Variants in NRK observed in about 807,000 individuals in gnomAD.
NRK encodes the protein Nik related kinase, also known as nik-related protein kinase.
NRK carries 67 observed loss-of-function variants against 125.2 expected under a neutral mutation model. The ratio of observed to expected loss-of-function variants is 0.54; its 90% CI spans 0.44 to 0.66. The LOEUF (loss-of-function observed/expected upper bound fraction) is 0.66. Among genes scored for constraint, NRK ranks in the 30% least tolerant of loss-of-function variants. The pLI is 0.00. For synonymous variants in NRK, 458 were observed against 429.0 expected (o/e 1.07, Z -0.84); for missense variants, 1,224 against 1,192.9 (o/e 1.03, Z -0.38).
intron 27 of NRK, among the ~76,000 whole-genome samples, chrX:105,950,555 TGTG>T: frequency 1.9e-5 from 2 of 106,084 alleles, no homozygotes; most frequent in African/African-American, 6.9e-5. Flanking sequence ...TGTGTGTGTG[TGTG>T]TGTGTGTGTG....
chrX:105,859,165 A>G (rs1436742633), intron 2 of NRK, among the ~76,000 whole-genome samples: 1 of 111,720 alleles, frequency 9.0e-6, no homozygotes, highest in Non-Finnish European at 1.9e-5. Context: ...AGTTAGATAA[A>G]AGAGAAAAAA....
intron 28 of NRK, among the ~76,000 whole-genome samples, chrX:105,955,012 T>G (rs1237959023): frequency 9.0e-6 from 1 of 111,023 alleles, no homozygotes; most frequent in East Asian, 2.8e-4. Context: ...CATACAGTAT[T>G]ATCTGTCTGT....
intron 16 of NRK, among the ~76,000 whole-genome samples, chrX:105,919,970 T>C (rs1255695508): frequency 1.9e-5 from 2 of 104,898 alleles, no homozygotes; most frequent in East Asian, 3.0e-4. Flanking sequence ...TCCTTGCCCA[T>C]GCCTATGTCC....
At chrX:105,832,026 A>G (rs1281169806) in intron 2 of NRK, among the ~76,000 whole-genome samples, 3 of 111,736 alleles carry the variant, frequency 2.7e-5, no homozygotes, top group Non-Finnish European at 5.6e-5. Flanking sequence ...GTGCCATTAT[A>G]TATCAGGGAC....
Position 105,937,591 on chromosome X carries a change from A to C in NRK, c.3799+9A>C. 1 of 1,170,034 alleles carries C rather than the reference A, an allele frequency of 8.5e-7. No homozygotes were observed. Among genetic ancestry groups the C allele is most frequent in the Non-Finnish European group, 1.2e-6 (1 of 865,146 alleles). On this transcript the variant is annotated intron_variant, in intron 22 of 28. Transcript: ENST00000243300. Reference sequence around the variant, plus strand: ...GCTGATTACCATCTCAGGTTTGTTTAAGAACTAAAATTAGCTGAGTAATTA... The same window carrying C: ...GCTGATTACCATCTCAGGTTTGTTTCAGAACTAAAATTAGCTGAGTAATTA...
At chrX:105,882,574 G>C (rs1247462122) in intron 4 of NRK, among the ~76,000 whole-genome samples, 1 of 111,395 alleles carries the variant, frequency 9.0e-6, no homozygotes, top group Non-Finnish European at 1.9e-5. Context: ...CTCTCCTGCA[G>C]TCAGCTATAC....
At chrX:105,838,759 C>T (rs781116519) in intron 2 of NRK, among the ~76,000 whole-genome samples, 57 of 109,224 alleles carry the variant, frequency 5.2e-4, no homozygotes, top group Non-Finnish European at 9.7e-4. Context: ...ATGTGAGCAT[C>T]CATCCTTGAA....
chrX:105,900,552 T>G, intron 8 of NRK, 66 bp from the exon 9 acceptor site: 2 of 728,101 alleles, frequency 2.7e-6, no homozygotes, highest in Non-Finnish European at 4.2e-6. Flanking sequence ...AAACATTGTT[T>G]TGAGATTCTA....
intron 1 of NRK, among the ~76,000 whole-genome samples, chrX:105,827,273 A>T (rs1192567835): frequency 8.9e-6 from 1 of 111,902 alleles, no homozygotes; most frequent in East Asian, 2.8e-4. Context: ...TTACAAATAA[A>T]AGGAGGAAAG....
intron 28 of NRK, among the ~76,000 whole-genome samples, chrX:105,953,607 T>G (rs2040932250): frequency 8.9e-6 from 1 of 111,959 alleles, no homozygotes; most frequent in Non-Finnish European, 1.9e-5. Context: ...AGCACTTAAT[T>G]GTATAGTAGG....
chrX:105,937,643 G>T, intron 22 of NRK, 61 bp downstream of exon 22: 1 of 860,159 alleles, frequency 1.2e-6, no homozygotes, highest in South Asian at 2.9e-5. Flanking sequence ...TGCAAACTGG[G>T]TTAAAGACTT....
chrX:105,886,710 A>G (rs1173902193), intron 4 of NRK, among the ~76,000 whole-genome samples: 3 of 107,478 alleles, frequency 2.8e-5, no homozygotes, highest in African/African-American at 6.7e-5. Flanking sequence ...ATTTCTCTAT[A>G]TTTGGTATGC....
Position 105,946,354 on chromosome X carries a change from C to G in NRK, c.4243C>G (p.Leu1415Val). The G allele has an allele frequency of 1.7e-6, 2 of 1,200,889 alleles. No homozygotes were observed. Among genetic ancestry groups the G allele is most frequent in the East Asian group, 3.0e-5 (1 of 33,751 alleles). The change falls in exon 26 of 29, where the codon CTG becomes GTG. Residue 1415 changes from leucine (L) to valine (V), a missense_variant. By Grantham distance (32) the Leu-to-Val change is conservative. Coordinates refer to ENST00000243300, the MANE Select transcript of NRK (RefSeq NM_198465.4). ...TLDHKPVTVD[L>V]AIGSEKRLKI... ...TGATCATAAGCCAGTGACAGTTGAC[C>G]TGGCTATTGGTTCTGAAAAAAGACT...
chrX:105,901,005 G>A lies in NRK; in HGVS notation c.766+333G>A, dbSNP rs370711027. Among the ~76,000 whole-genome samples, 5 of 110,925 alleles carry A rather than the reference G, an allele frequency of 4.5e-5. No homozygotes were observed. The East Asian group carries it at 8.6e-4, about 19-fold the overall frequency. ...CTGAGCAACCAGAATAAGGATTCTG[G>A]TTGGCGTTCCAGTCTATATTTCCTG... On this transcript the variant is annotated intron_variant, in intron 9 of 28. Transcript: ENST00000243300.
Position 105,844,610 on chromosome X carries a change from A to G in NRK, c.123+13491A>G, listed in dbSNP as rs376609136. On this transcript the variant is annotated intron_variant, in intron 2 of 28. Transcript: ENST00000243300. ...TTCCCTGAGGCCCTTCAGATGGGATACCTAGGAATGAGGCCAGAACGTTCC... is the reference window on the plus strand; with the variant it reads ...TTCCCTGAGGCCCTTCAGATGGGATGCCTAGGAATGAGGCCAGAACGTTCC... Among the ~76,000 whole-genome samples the G allele has an allele frequency of 4.5e-5, 5 of 111,596 alleles. No individual in the cohort carries two copies. In the East Asian group the frequency reaches 8.5e-4, roughly 19 times the overall value.
In NRK at chrX:105,923,487, GT is replaced by G. The variant is rs1569313377; in HGVS notation, c.2975+12del. ...TGAGGCGCCTAGTTGTCCAAGGTTG[GT>G]TTTTTTGAATTACTTATACTCTCCA... On this transcript the variant is annotated splice_donor_region_variant and intron_variant, in intron 18 of 28. Coordinates refer to ENST00000243300, the MANE Select transcript of NRK (RefSeq NM_198465.4). 3.6e-6 allele frequency: 4 copies of G among 1,104,282 alleles called. No homozygotes were observed. Among genetic ancestry groups the G allele is most frequent in the South Asian group, 2.3e-5 (1 of 43,929 alleles). 91.0% of individuals were successfully genotyped at this position (1,104,282 alleles called of 1,213,427 possible). A position where few individuals can be genotyped will look rare whatever the true frequency, so the allele number is the denominator to read the frequency against.
intron 19 of NRK, among the ~76,000 whole-genome samples, chrX:105,933,045 G>A (rs976871872): frequency 9.0e-5 from 10 of 110,606 alleles, no homozygotes; most frequent in Non-Finnish European, 1.9e-4. Context: ...GCATATGATA[G>A]GCACACAGTA....
chrX:105,849,928 G>A (rs991031118), intron 2 of NRK, among the ~76,000 whole-genome samples: 2 of 111,944 alleles, frequency 1.8e-5, no homozygotes, highest in Non-Finnish European at 3.8e-5. Context: ...TTACAATTCT[G>A]GGGTCTGGAG....
intron 2 of NRK, among the ~76,000 whole-genome samples, chrX:105,868,286 A>C (rs1010849611): frequency 9.1e-6 from 1 of 110,493 alleles, no homozygotes. Flanking sequence ...TATTTGAAGG[A>C]GGAAAGAAAA....
Sources: allele counts gnomAD v4.1 joint callset (sites outside exome capture counted in the v4.1 genomes callset), GRCh38; gene constraint gnomAD v4.1.1; transcripts MANE v1.5; gene names NCBI Gene and HGNC (gene_info 2026-07-23, HGNC 2026-07-21).